Variants in GALNT13 observed in about 807,000 individuals in gnomAD.
GALNT13 encodes polypeptide N-acetylgalactosaminyltransferase 13, also known as UDP-GalNAc:polypeptide N-acetylgalactosaminyltransferase 13.
A neutral mutation model predicts 64.2 loss-of-function variants in GALNT13; 28 were observed. That is an observed-to-expected ratio of 0.44 (90% CI 0.32 to 0.60). The LOEUF (loss-of-function observed/expected upper bound fraction) is 0.60. Among genes scored for constraint, GALNT13 ranks in the 20% least tolerant of loss-of-function variants. The pLI is 0.05. For missense variants in GALNT13, 577 were observed against 669.8 expected (o/e 0.86, Z 1.53); for synonymous variants, 214 against 224.6 (o/e 0.95, Z 0.42).
At chr2:153,797,472 T>G in the GALNT13 span, among the ~76,000 whole-genome samples, 1 of 152,154 alleles carries the variant, frequency 6.6e-6, no homozygotes, top group Non-Finnish European at 1.5e-5. Context: ...TCAACCATCC[T>G]AAAAATTAAT....
the GALNT13 span, among the ~76,000 whole-genome samples, chr2:153,131,577 A>G: frequency 6.6e-6 from 1 of 152,168 alleles, no homozygotes; most frequent in Non-Finnish European, 1.5e-5. Flanking sequence ...ACCCTCCAGA[A>G]TATATCCCAT....
chr2:153,790,909 C>G, the GALNT13 span, among the ~76,000 whole-genome samples: 1 of 152,016 alleles, frequency 6.6e-6, no homozygotes, highest in African/African-American at 2.4e-5. Context: ...GGTGAAATAT[C>G]TCTAAAATCA....
chr2:153,273,688 A>G, the GALNT13 span, among the ~76,000 whole-genome samples: 396 of 152,350 alleles, frequency 2.6e-3, no homozygotes, highest in Middle Eastern at 6.8e-3. Flanking sequence ...AAGGAATCAC[A>G]TGGAGGATTA....
At chr2:153,586,285 A>T in the GALNT13 span, among the ~76,000 whole-genome samples, 1 of 152,228 alleles carries the variant, frequency 6.6e-6, no homozygotes. Flanking sequence ...TGATCCAAAT[A>T]TATGCAGCTT....
chr2:153,663,398 A>G, the GALNT13 span, among the ~76,000 whole-genome samples: 1 of 152,202 alleles, frequency 6.6e-6, no homozygotes, highest in South Asian at 2.1e-4. Flanking sequence ...ATAAGTTGAT[A>G]AGCTTCCTTG....
intron 8 of GALNT13, among the ~76,000 whole-genome samples, chr2:154,275,055 T>C (rs1691566866): frequency 6.6e-6 from 1 of 151,908 alleles, no homozygotes; most frequent in Non-Finnish European, 1.5e-5. Context: ...CTGTGGAACT[T>C]TGAACTTGAG....
At chr2:154,410,482 G>A (rs1699743230) in intron 11 of GALNT13, among the ~76,000 whole-genome samples, 1 of 151,802 alleles carries the variant, frequency 6.6e-6, no homozygotes, top group South Asian at 2.1e-4. Context: ...CACATTCAAG[G>A]CAGGAATATC....
chr2:153,370,104 G>A, the GALNT13 span, among the ~76,000 whole-genome samples: 7 of 152,072 alleles, frequency 4.6e-5, 1 homozygote, highest in African/African-American at 1.2e-4. Flanking sequence ...AAATGTTAGC[G>A]AACCAACTTT....
At chr2:154,126,285 A>T (rs1471095547) in intron 3 of GALNT13, among the ~76,000 whole-genome samples, 1 of 149,240 alleles carries the variant, frequency 6.7e-6, no homozygotes, top group Non-Finnish European at 1.5e-5. Context: ...CAGCTAGGGT[A>T]AAAAAAAAAT....
the GALNT13 span, among the ~76,000 whole-genome samples, chr2:153,121,680 G>A: frequency 6.6e-6 from 1 of 151,968 alleles, no homozygotes; most frequent in African/African-American, 2.4e-5. Flanking sequence ...AGGCACCCAC[G>A]ACCATGCCTG....
At chr2:153,135,488 A>G in the GALNT13 span, among the ~76,000 whole-genome samples, 1 of 152,136 alleles carries the variant, frequency 6.6e-6, no homozygotes, top group African/African-American at 2.4e-5. Flanking sequence ...AAACCCATGT[A>G]AATTTTCTAC....
At chr2:153,989,009 G>A (rs1363264766) in intron 3 of GALNT13, among the ~76,000 whole-genome samples, 6 of 151,812 alleles carry the variant, frequency 4.0e-5, no homozygotes, top group Admixed American at 3.9e-4. Flanking sequence ...CATGCCACAT[G>A]CTTGTAATAA....
At chr2:154,289,527 A>G (rs1357505049) in intron 8 of GALNT13, among the ~76,000 whole-genome samples, 1 of 152,006 alleles carries the variant, frequency 6.6e-6, no homozygotes, top group Non-Finnish European at 1.5e-5. Context: ...CCTTTATAAA[A>G]CCATCAGATC....
At chr2:153,645,879 C>A in the GALNT13 span, among the ~76,000 whole-genome samples, 1 of 151,918 alleles carries the variant, frequency 6.6e-6, no homozygotes, top group Non-Finnish European at 1.5e-5. Context: ...GTTGTTATAC[C>A]AGGTAGCTAG....
the GALNT13 span, among the ~76,000 whole-genome samples, chr2:153,572,338 TTC>T: frequency 6.6e-6 from 1 of 151,496 alleles, no homozygotes. Context: ...TTTGTATTTT[TTC>T]TCTCTTTTTT....
At chr2:153,163,975 G>A in the GALNT13 span, among the ~76,000 whole-genome samples, 46 of 147,076 alleles carry the variant, frequency 3.1e-4, no homozygotes, top group East Asian at 6.1e-4. Context: ...CCGAGATCGC[G>A]CCACTGCACT....
chr2:153,091,807 T>C, the GALNT13 span, among the ~76,000 whole-genome samples: 1 of 152,248 alleles, frequency 6.6e-6, no homozygotes. Flanking sequence ...CTTCACTTTG[T>C]TGATTGTATC....
the GALNT13 span, among the ~76,000 whole-genome samples, chr2:153,193,918 A>T: frequency 3.3e-5 from 5 of 152,054 alleles, no homozygotes; most frequent in African/African-American, 1.2e-4. Flanking sequence ...TGAATATATT[A>T]TGCCATTTTT....
the GALNT13 span, among the ~76,000 whole-genome samples, chr2:153,513,806 C>T: frequency 6.6e-6 from 1 of 152,114 alleles, no homozygotes; most frequent in African/African-American, 2.4e-5. Context: ...AAGACACTTG[C>T]CTGTCTGGAA....
Sources: allele counts gnomAD v4.1 joint callset (sites outside exome capture counted in the v4.1 genomes callset), GRCh38; gene constraint gnomAD v4.1.1; transcripts MANE v1.5; gene names NCBI Gene and HGNC (gene_info 2026-07-23, HGNC 2026-07-21).